The following TMEM183A variants were observed in gnomAD, a reference collection of about 807,000 sequenced individuals.
The protein encoded by TMEM183A is chromosome 1 open reading frame 37.
Under a neutral mutation model 46.7 loss-of-function variants are expected in TMEM183A, and 21 were observed. The ratio of observed to expected loss-of-function variants is 0.45; its 90% CI spans 0.32 to 0.65. The LOEUF (loss-of-function observed/expected upper bound fraction) is 0.65. TMEM183A is among the 30% of genes least tolerant of loss of function. The pLI, the probability that TMEM183A is intolerant of heterozygous loss-of-function variation, is 0.04. For missense variants in TMEM183A, 331 were observed against 481.9 expected (o/e 0.69, Z 2.93); for synonymous variants, 165 against 180.2 (o/e 0.92, Z 0.68).
At chr1:203,022,043 A>G (rs1210425942) in intron 7 of TMEM183A, among the ~76,000 whole-genome samples, 1 of 152,002 alleles carries the variant, frequency 6.6e-6, no homozygotes, top group Non-Finnish European at 1.5e-5. Flanking sequence ...ATTTTGTATA[A>G]TTGAGATTGT....
chr1:203,020,503 A>G (rs1657560064), intron 6 of TMEM183A, among the ~76,000 whole-genome samples: 1 of 152,192 alleles, frequency 6.6e-6, no homozygotes, highest in Non-Finnish European at 1.5e-5. Context: ...CAGTCTTTCA[A>G]ACATTGTAGA....
At position 203,023,689 on chromosome 1, in the gene TMEM183A, C is replaced by A. The variant is rs1657931646; in HGVS notation, c.*649C>A. The A allele has an allele frequency of 6.6e-6, 1 of 152,538 alleles. No homozygotes were observed. 9.4% of individuals were successfully genotyped at this position (152,538 alleles called of 1,614,324 possible). On this transcript the variant is annotated 3_prime_UTR_variant, in exon 8 of 8. Coordinates refer to ENST00000367242, the MANE Select transcript of TMEM183A (RefSeq NM_138391.6). ...TATACCCTTGGTACTATACTAGGAA[C>A]TTTACATAGTATCTCTACTTCTCAC...
rs532613385 is a variant in TMEM183A, at chr1:203,017,083, C to T, written c.708+943C>T. 2.6e-5 allele frequency among the ~76,000 whole-genome samples: 4 copies of T among 152,212 alleles called. No homozygotes were observed. In the South Asian group the frequency reaches 8.3e-4, roughly 32 times the overall value. ...TTGATTTCGAGATTATCGAGGTTCC[C>T]CCCAGCCTTGTAAACTGAGGTGGTC... On this transcript the variant is annotated intron_variant, in intron 5 of 7. Transcript: ENST00000367242.
chr1:203,011,186 A>T (rs888363215), intron 3 of TMEM183A, among the ~76,000 whole-genome samples: 1 of 152,206 alleles, frequency 6.6e-6, no homozygotes, highest in African/African-American at 2.4e-5. Context: ...CTTTTGGAGG[A>T]ATTGCCAAAC....
chr1:203,013,025 A>G lies in TMEM183A; in HGVS notation c.368-1864A>G, dbSNP rs1207850848. On this transcript the variant is annotated intron_variant, in intron 3 of 7. Coordinates refer to ENST00000367242, the MANE Select transcript of TMEM183A (RefSeq NM_138391.6). This position sits in a 1 kb window ranked among gnomAD's most constrained non-coding sequence, Gnocchi z 4.0. The stretch of plus-strand genomic sequence containing the variant: ...ATGAGCCACTGCACTCAGCCACAAT[A>G]GAGGAAATTTTAATAGTCGTTTGCC... Among the ~76,000 whole-genome samples the G allele has an allele frequency of 6.6e-6, 1 of 152,224 alleles. No individual in the cohort carries two copies. Among genetic ancestry groups the G allele is most frequent in the Non-Finnish European group, 1.5e-5 (1 of 68,046 alleles).
At chr1:203,016,175 A>C in intron 5 of TMEM183A, 35 bp downstream of exon 5, 3 of 1,613,468 alleles carry the variant, frequency 1.9e-6, no homozygotes, top group Non-Finnish European at 2.5e-6. Context: ...TTGACTAATG[A>C]ACTCTTGTAT....
At chr1:203,010,800 AAC>A (rs1285716692) in intron 3 of TMEM183A, among the ~76,000 whole-genome samples, 2 of 152,218 alleles carry the variant, frequency 1.3e-5, no homozygotes, top group Admixed American at 1.3e-4. Flanking sequence ...CTAAGTTTAG[AAC>A]ATTTCCATTA....
At position 203,008,497 on chromosome 1, in the gene TMEM183A, T is replaced by A. The variant is rs1194827312; in HGVS notation, c.200-146T>A. ...GTATTTAAAATACTAAAATCTTTAT[T>A]TTTTTTGGTGACAGATTCTCACCTT... On this transcript the variant is annotated intron_variant, in intron 2 of 7. Coordinates refer to ENST00000367242, the MANE Select transcript of TMEM183A (RefSeq NM_138391.6). 6 of 671,818 alleles carry A rather than the reference T, an allele frequency of 8.9e-6. No individual in the cohort carries two copies. The Admixed American group carries it at 1.8e-4, about 20-fold the overall frequency. The allele number at this position is 671,818 out of a possible 1,614,324, so 41.6% of individuals were successfully genotyped here.
In TMEM183A at chr1:203,015,670, C is replaced by T. The variant is rs1213540790; in HGVS notation, c.528-290C>T. 1.4e-5 allele frequency: 5 copies of T among 355,242 alleles called. No homozygotes were observed. In the Admixed American group the frequency reaches 2.3e-4, roughly 16 times the overall value. 22.0% of individuals were successfully genotyped at this position (355,242 alleles called of 1,614,324 possible). ...TTCGCCAGTATAGGTTCCTCCAGGA[C>T]AGGTTCTTTTTGAGCAGCTAAAGCA... On this transcript the variant is annotated intron_variant, in intron 4 of 7. Coordinates refer to ENST00000367242, the MANE Select transcript of TMEM183A (RefSeq NM_138391.6).
At chr1:203,021,539 GTGA>G (rs1657682466) in intron 7 of TMEM183A, among the ~76,000 whole-genome samples, 1 of 152,172 alleles carries the variant, frequency 6.6e-6, no homozygotes, top group African/African-American at 2.4e-5. Context: ...TTCATGTGTA[GTGA>G]TGATTAATGA....
Position 203,023,979 on chromosome 1 carries a change from T to C in TMEM183A, c.*939T>C, listed in dbSNP as rs188347224. ...GTTATTCTAATCAGCCAAAAAAGTT[T>C]AGAAGATTGATGAAATGATCTTTTA... On this transcript the variant is annotated 3_prime_UTR_variant, in exon 8 of 8. Transcript: ENST00000367242. 1 of 152,380 alleles carries C rather than the reference T, an allele frequency of 6.6e-6. No individual in the cohort carries two copies. 9.4% of individuals were successfully genotyped at this position (152,380 alleles called of 1,614,324 possible).
chr1:203,010,950 A>G (rs1400094826), intron 3 of TMEM183A, among the ~76,000 whole-genome samples: 1 of 152,218 alleles, frequency 6.6e-6, no homozygotes. Context: ...ATCATACAAT[A>G]TATAGTCTTT....
At chr1:203,020,988 T>G in intron 7 of TMEM183A, 40 bp downstream of exon 7, 1 of 1,474,972 alleles carries the variant, frequency 6.8e-7, no homozygotes. Flanking sequence ...GCTCCTTTTT[T>G]TTTTTTTTTT....
chr1:203,013,580 C>A lies in TMEM183A; in HGVS notation c.368-1309C>A, dbSNP rs987593789. On this transcript the variant is annotated intron_variant, in intron 3 of 7. Transcript: ENST00000367242. The surrounding 1 kb of genome is among the most constrained non-coding windows in gnomAD (Gnocchi z 4.0). ...AGGCTGGAGTGCAGTGGCGCTATCT[C>A]GGCTCACTGCAAGCTCCGCCTCCTG... 6.6e-6 allele frequency among the ~76,000 whole-genome samples: 1 copy of A among 151,734 alleles called. No homozygotes were observed. Among genetic ancestry groups the A allele is most frequent in the Non-Finnish European group, 1.5e-5 (1 of 67,950 alleles).
Position 203,023,145 on chromosome 1 carries a change from A to T in TMEM183A, c.*105A>T, listed in dbSNP as rs374223376. On this transcript the variant is annotated 3_prime_UTR_variant, in exon 8 of 8. Transcript: ENST00000367242. ...ATTGTATATCTCGTTAGTAATGTAC[A>T]TGCTCTTCAGGTTCTAGGGCTCCTG... The T allele has an allele frequency of 5.0e-6, 3 of 602,608 alleles. No individual in the cohort carries two copies. The highest frequency in any genetic ancestry group is 5.6e-6 in the Non-Finnish European group (2 of 358,568). The allele number at this position is 602,608 out of a possible 1,614,324, so 37.3% of individuals were successfully genotyped here.
chr1:203,013,818 G>T lies in TMEM183A; in HGVS notation c.368-1071G>T, dbSNP rs1313544717. Among the ~76,000 whole-genome samples the T allele has an allele frequency of 7.0e-6, 1 of 143,444 alleles. No individual in the cohort carries two copies. The highest frequency in any genetic ancestry group is 6.9e-5 in the Admixed American group (1 of 14,442). 94.1% of individuals were successfully genotyped at this position (143,444 alleles called of 152,430 possible). ...GTGAGCCACCGTGCCCGGCCTAAGT[G>T]CCATCTCAGCTCACTGCAACCTCCA... is the stretch of plus-strand genomic sequence containing the variant. On this transcript the variant is annotated intron_variant, in intron 3 of 7. Transcript: ENST00000367242. This position sits in a 1 kb window ranked among gnomAD's most constrained non-coding sequence, Gnocchi z 4.0.
In TMEM183A at chr1:203,018,503, A is replaced by G; in HGVS notation, c.731A>G (p.Lys244Arg). The change falls in exon 6 of 8, where the codon AAG becomes AGG. Residue 244 changes from lysine (K) to arginine (R), a missense_variant. Lys to Arg is a conservative substitution (Grantham distance 26). This residue lies in a region of TMEM183A where 233 missense variants were observed against 385.8 expected (regional missense o/e 0.60). Transcript: ENST00000367242. Reference sequence around the variant, plus strand: ...TAGTGCTTACTTTTCTGGTGCAGAAAGATTGTTGGGAACAGACAGGAACCA... The same window carrying G: ...TAGTGCTTACTTTTCTGGTGCAGAAGGATTGTTGGGAACAGACAGGAACCA... ...NSKCLLFWCR[K>R]IVGNRQEPMW... 1.2e-6 allele frequency: 2 copies of G among 1,612,586 alleles called. No individual in the cohort carries two copies. The highest frequency in any genetic ancestry group is 1.7e-6 in the Non-Finnish European group (2 of 1,179,908).
chr1:203,014,585 A>C (rs1365529382), intron 3 of TMEM183A, among the ~76,000 whole-genome samples: 5 of 152,078 alleles, frequency 3.3e-5, no homozygotes, highest in Non-Finnish European at 7.4e-5. Context: ...CCTGGGCACC[A>C]CTGCATTCCA....
At position 203,015,053 on chromosome 1, in the gene TMEM183A, G is replaced by A. The variant is rs751410059; in HGVS notation, c.527+5G>A. ...TTGGACCAGGTTGTACCGAAGGTGCGACCACAGAGAGCTCACTCTTTTATC... is the reference window on the plus strand; with the variant it reads ...TTGGACCAGGTTGTACCGAAGGTGCAACCACAGAGAGCTCACTCTTTTATC... On this transcript the variant is annotated splice_donor_5th_base_variant and intron_variant, in intron 4 of 7. Coordinates refer to ENST00000367242, the MANE Select transcript of TMEM183A (RefSeq NM_138391.6). 5.0e-6 allele frequency: 8 copies of A among 1,604,626 alleles called. No homozygotes were observed. Among genetic ancestry groups the A allele is most frequent in the Non-Finnish European group, 6.8e-6 (8 of 1,175,338 alleles).
Sources: allele counts gnomAD v4.1 joint callset (sites outside exome capture counted in the v4.1 genomes callset), GRCh38; gene constraint gnomAD v4.1.1; regional missense constraint gnomAD v4.1.1; non-coding constraint Gnocchi (gnomAD v3.1); transcripts MANE v1.5; gene names NCBI Gene and HGNC (gene_info 2026-07-23, HGNC 2026-07-21).